NMT2: variants seen among roughly 807,000 people sequenced by gnomAD.
The protein encoded by NMT2 is N-myristoyltransferase 2.
NMT2 carries 35 observed loss-of-function variants against 65.4 expected under a neutral mutation model. The observed-to-expected ratio is 0.54, with a 90% CI of 0.41 to 0.71. NMT2 has a LOEUF of 0.71. Among genes scored for constraint, NMT2 ranks in the 30% least tolerant of loss-of-function variants. NMT2 has a pLI of 0.00. For missense variants in NMT2, 489 were observed against 611.3 expected (o/e 0.80, Z 2.11); for synonymous variants, 226 against 231.8 (o/e 0.98, Z 0.23).
chr10:15,149,302 TCATCAC>T (rs201824605), intron 1 of NMT2, among the ~76,000 whole-genome samples: 1 of 149,452 alleles, frequency 6.7e-6, no homozygotes, highest in Non-Finnish European at 1.5e-5. Flanking sequence ...ACTGCCACCA[TCATCAC>T]CATCACCATC....
At chr10:15,148,268 C>T (rs913104076) in intron 1 of NMT2, among the ~76,000 whole-genome samples, 5 of 152,088 alleles carry the variant, frequency 3.3e-5, no homozygotes, top group East Asian at 3.9e-4. Flanking sequence ...CACTTTGGGA[C>T]GGAGGACAAG....
At chr10:15,119,580 T>TG in intron 8 of NMT2, 67 bp from the exon 9 acceptor site, 3 of 1,405,466 alleles carry the variant, frequency 2.1e-6, no homozygotes, top group Non-Finnish European at 3.0e-6. Context: ...GACTTTGCAC[T>TG]CAAAGTGTGG....
intron 1 of NMT2, among the ~76,000 whole-genome samples, chr10:15,164,116 G>T (rs1428041065): frequency 6.9e-6 from 1 of 145,884 alleles, no homozygotes; most frequent in African/African-American, 2.6e-5. Flanking sequence ...CTGGGAGGCA[G>T]AGCTTGCAGT....
intron 1 of NMT2, among the ~76,000 whole-genome samples, chr10:15,161,442 C>G (rs1485090526): frequency 6.6e-6 from 1 of 152,152 alleles, no homozygotes; most frequent in Non-Finnish European, 1.5e-5. Flanking sequence ...ACCTCCACCT[C>G]CTGGGTTCAA....
rs1483582762 is a variant in NMT2, at chr10:15,123,274, C to T, written c.1000-3761G>A. ...TGTAAGAATGAAATACTGCCAGGCA[C>T]GGTGGCTCACACCTGTAATCTCAGC... On this transcript the variant is annotated intron_variant, in intron 8 of 11. Transcript: ENST00000378165. 7.9e-5 allele frequency among the ~76,000 whole-genome samples: 12 copies of T among 152,100 alleles called. 1 individual carries two copies. The highest frequency in any genetic ancestry group is 2.7e-4 in the African/African-American group (11 of 41,418).
chr10:15,131,718 AC>A (rs1195586491), intron 6 of NMT2, among the ~76,000 whole-genome samples: 3 of 152,198 alleles, frequency 2.0e-5, no homozygotes, highest in Non-Finnish European at 4.4e-5. Context: ...AAATAAGCTA[AC>A]CTAATACACT....
intron 7 of NMT2, 121 bp downstream of exon 7, chr10:15,130,021 G>T: frequency 1.4e-6 from 1 of 714,816 alleles, no homozygotes; most frequent in Non-Finnish European, 2.1e-6. Context: ...TACTGGACTT[G>T]GTGATTCTAG....
At chr10:15,160,219 C>G (rs1157306815) in intron 1 of NMT2, among the ~76,000 whole-genome samples, 1 of 152,302 alleles carries the variant, frequency 6.6e-6, no homozygotes, top group East Asian at 1.9e-4. Context: ...TAGCCACAAA[C>G]GCTTCAGCAA....
At chr10:15,166,909 C>A (rs1316602721) in intron 1 of NMT2, among the ~76,000 whole-genome samples, 1 of 152,086 alleles carries the variant, frequency 6.6e-6, no homozygotes, top group African/African-American at 2.4e-5. Context: ...CAAAGAAGTC[C>A]TAATCAAGCC....
At chr10:15,127,463 C>T (rs1275978323) in intron 8 of NMT2, among the ~76,000 whole-genome samples, 1 of 136,064 alleles carries the variant, frequency 7.3e-6, no homozygotes, top group Non-Finnish European at 1.5e-5. Context: ...AGGAGAATGG[C>T]GTGAACCCAG....
At position 15,137,853 on chromosome 10, in the gene NMT2, T is replaced by C. The variant is rs534419511; in HGVS notation, c.247-2435A>G. ...GTTCCACATGACCCAATGACCAAAA[T>C]GACCAACTCCATGAAGAAGACTTCA... On this transcript the variant is annotated intron_variant, in intron 2 of 11. Transcript: ENST00000378165. Among the ~76,000 whole-genome samples, 8 of 152,290 alleles carry C rather than the reference T, an allele frequency of 5.3e-5. No homozygotes were observed. The East Asian group carries it at 1.3e-3, about 26-fold the overall frequency.
chr10:15,139,774 C>G (rs930740866), intron 2 of NMT2: 6 of 148,892 alleles, frequency 4.0e-5, no homozygotes, highest in Non-Finnish European at 7.4e-5. Context: ...AACATCAAAA[C>G]TACCTGCAAG....
rs58414394 is a variant in NMT2, at chr10:15,106,080, G to A, written c.*3115C>T. ...TGTGATCCCGGCTCACTGCAACCCCGCCTCCTGGGTTCAAGCGATTCTCCT... is the reference window on the plus strand; with the variant it reads ...TGTGATCCCGGCTCACTGCAACCCCACCTCCTGGGTTCAAGCGATTCTCCT... On this transcript the variant is annotated 3_prime_UTR_variant, in exon 12 of 12. Transcript: ENST00000378165. 3,094 of 338,648 alleles carry A rather than the reference G, an allele frequency of 9.1e-3. 89 individuals carry two copies. The highest frequency in any genetic ancestry group is 0.064 in the African/African-American group (2,831 of 43,942). The allele number at this position is 338,648 out of a possible 1,614,324, so 21.0% of individuals were successfully genotyped here.
chr10:15,164,348 C>G (rs752564071), intron 1 of NMT2, among the ~76,000 whole-genome samples: 1 of 152,126 alleles, frequency 6.6e-6, no homozygotes, highest in Non-Finnish European at 1.5e-5. Context: ...GGGAAAAGCT[C>G]TCTTAACGGA....
chr10:15,120,917 C>G (rs191512319), intron 8 of NMT2, among the ~76,000 whole-genome samples: 1 of 152,284 alleles, frequency 6.6e-6, no homozygotes, highest in East Asian at 1.9e-4. Flanking sequence ...TGTCTTATCA[C>G]TACTCCAGAG....
At chr10:15,166,966 C>G (rs191503750) in intron 1 of NMT2, among the ~76,000 whole-genome samples, 1 of 152,274 alleles carries the variant, frequency 6.6e-6, no homozygotes, top group African/African-American at 2.4e-5. Flanking sequence ...ACAGAAATTA[C>G]AGCAGAGAAG....
At chr10:15,138,768 A>G (rs1256550488) in intron 2 of NMT2, among the ~76,000 whole-genome samples, 1 of 152,214 alleles carries the variant, frequency 6.6e-6, no homozygotes, top group African/African-American at 2.4e-5. Context: ...GCATAAGCTT[A>G]AAGGGAAAGA....
At chr10:15,165,087 C>T (rs1187863356) in intron 1 of NMT2, among the ~76,000 whole-genome samples, 1 of 151,362 alleles carries the variant, frequency 6.6e-6, no homozygotes, top group Non-Finnish European at 1.5e-5. Flanking sequence ...TGCTTGAACC[C>T]GGGAGGTGGA....
intron 1 of NMT2, chr10:15,154,728 G>C (rs1187646631): frequency 1.8e-6 from 1 of 561,240 alleles, no homozygotes; most frequent in African/African-American, 1.9e-5. Flanking sequence ...CGAGCAAATG[G>C]GGTGGAGGGT....
Sources: gnomAD v4.1 joint callset for allele counts (sites outside exome capture counted in the v4.1 genomes callset) on GRCh38, gnomAD v4.1.1 for gene constraint, MANE v1.5 for transcripts, NCBI Gene and HGNC (gene_info 2026-07-23, HGNC 2026-07-21) for gene names.